The following HDAC9 variants were observed in gnomAD, a reference collection of about 807,000 sequenced individuals.
HDAC9 encodes the protein MEF-2 interacting transcription repressor (MITR) protein.
In HDAC9, 41 loss-of-function variants were observed where a neutral mutation model predicts 139.4. The ratio of observed to expected loss-of-function variants is 0.29; its 90% CI spans 0.23 to 0.38. The LOEUF (loss-of-function observed/expected upper bound fraction) is 0.38, where lower values mean the gene tolerates loss of function less well. Among genes scored for constraint, HDAC9 ranks in the 10% least tolerant of loss-of-function variants. HDAC9 has a pLI of 1.00. For missense variants in HDAC9, 1,147 were observed against 1,297.0 expected (o/e 0.88, Z 1.78); for synonymous variants, 517 against 476.2 (o/e 1.09, Z -1.12).
intron 12 of HDAC9, among the ~76,000 whole-genome samples, chr7:18,687,835 A>G (rs757203555): frequency 3.3e-5 from 5 of 151,808 alleles, no homozygotes; most frequent in Middle Eastern, 3.4e-3. Context: ...ATTTTTCTTC[A>G]TTGTATATTG....
chr7:18,374,803 T>A (rs1784865286), intron 1 of HDAC9, among the ~76,000 whole-genome samples: 1 of 152,086 alleles, frequency 6.6e-6, no homozygotes, highest in African/African-American at 2.4e-5. Context: ...TAACAATGTT[T>A]GGGTCAATGA....
At chr7:18,805,847 C>T (rs1379668371) in intron 17 of HDAC9, among the ~76,000 whole-genome samples, 2 of 152,176 alleles carry the variant, frequency 1.3e-5, no homozygotes, top group Non-Finnish European at 2.9e-5. Context: ...TCTTCCCAGT[C>T]TCCAGAGCTG....
chr7:18,774,406 G>A (rs1322563836), intron 16 of HDAC9, among the ~76,000 whole-genome samples: 5 of 151,866 alleles, frequency 3.3e-5, no homozygotes, highest in Admixed American at 3.3e-4. Context: ...ACATACCTTG[G>A]AAATATTGCA....
At chr7:18,407,996 A>G (rs1788172177) in intron 1 of HDAC9, among the ~76,000 whole-genome samples, 1 of 152,178 alleles carries the variant, frequency 6.6e-6, no homozygotes, top group Non-Finnish European at 1.5e-5. Context: ...GTGTCGATGG[A>G]CAAATTAACC....
chr7:18,604,808 G>A (rs1197069708), intron 6 of HDAC9, among the ~76,000 whole-genome samples: 1 of 152,016 alleles, frequency 6.6e-6, no homozygotes, highest in African/African-American at 2.4e-5. Flanking sequence ...GTTGTTGCAT[G>A]TTGCCAACTT....
intron 1 of HDAC9, among the ~76,000 whole-genome samples, chr7:18,089,569 AT>A (rs1554295867): frequency 6.6e-6 from 1 of 152,146 alleles, no homozygotes; most frequent in Non-Finnish European, 1.5e-5. Context: ...ATATAAACCT[AT>A]TTAATTAACT....
intron 6 of HDAC9, among the ~76,000 whole-genome samples, chr7:18,603,885 T>G (rs1834665878): frequency 6.6e-6 from 1 of 152,148 alleles, no homozygotes; most frequent in Non-Finnish European, 1.5e-5. Context: ...TTCTCCTTCT[T>G]GTTTGGGATA....
chr7:18,189,397 C>T (rs1427244650), intron 2 of HDAC9, among the ~76,000 whole-genome samples: 1 of 152,072 alleles, frequency 6.6e-6, no homozygotes, highest in South Asian at 2.1e-4. Flanking sequence ...GTGCAGCAAA[C>T]CACCATGGCA....
At chr7:18,736,476 G>A (rs1239514185) in intron 13 of HDAC9, among the ~76,000 whole-genome samples, 1 of 152,150 alleles carries the variant, frequency 6.6e-6, no homozygotes, top group African/African-American at 2.4e-5. Context: ...GGCCTTTTCT[G>A]CATCTATTGA....
intron 6 of HDAC9, among the ~76,000 whole-genome samples, chr7:18,618,726 G>GTGTATATATATATATA (rs71553930): frequency 8.3e-6 from 1 of 120,038 alleles, no homozygotes; most frequent in Admixed American, 8.8e-5. Flanking sequence ...ACAGAATTTT[G>GTGTATATATATATATA]TATATATATA....
At chr7:18,892,240 T>C (rs1406916206) in intron 22 of HDAC9, 1 of 152,200 alleles carries the variant, frequency 6.6e-6, no homozygotes, top group East Asian at 1.9e-4. Flanking sequence ...CATACAATGG[T>C]TTAAAATTCT....
upstream of HDAC9, among the ~76,000 whole-genome samples, chr7:18,490,818 G>A (rs1446381253): frequency 6.6e-6 from 1 of 151,444 alleles, no homozygotes; most frequent in Non-Finnish European, 1.5e-5. Flanking sequence ...GAGGTTGGGA[G>A]AAGAGGTAAC....
At chr7:18,653,880 T>A (rs577507800) in intron 11 of HDAC9, among the ~76,000 whole-genome samples, 168 of 152,246 alleles carry the variant, frequency 1.1e-3, no homozygotes, top group African/African-American at 3.9e-3. Flanking sequence ...TTCTCTGAAA[T>A]CCTCTTGATT....
At chr7:18,989,160 G>T (rs1156790480) in intron 25 of HDAC9, among the ~76,000 whole-genome samples, 2 of 148,210 alleles carry the variant, frequency 1.3e-5, no homozygotes, top group Non-Finnish European at 3.0e-5. Flanking sequence ...TCCTAGTCTC[G>T]ATGGTCTTTA....
At chr7:18,224,610 A>T (rs1434321744) in intron 2 of HDAC9, among the ~76,000 whole-genome samples, 2 of 152,194 alleles carry the variant, frequency 1.3e-5, no homozygotes, top group Non-Finnish European at 2.9e-5. Flanking sequence ...TGGGAGGCAC[A>T]GAAACATCAC....
At chr7:18,400,426 A>T (rs1311777019) in intron 1 of HDAC9, among the ~76,000 whole-genome samples, 2 of 152,162 alleles carry the variant, frequency 1.3e-5, no homozygotes, top group Non-Finnish European at 2.9e-5. Context: ...AGAGATCAAG[A>T]TGGGTGTGGT....
chr7:18,681,434 AT>A lies in HDAC9; in HGVS notation c.1731+14961del, dbSNP rs1357870491. 2.0e-5 allele frequency among the ~76,000 whole-genome samples: 3 copies of A among 151,868 alleles called. No individual in the cohort carries two copies. The East Asian group carries it at 5.8e-4, about 29-fold the overall frequency. On this transcript the variant is annotated intron_variant, in intron 12 of 25. Coordinates refer to ENST00000686413, the MANE Select transcript of HDAC9 (RefSeq NM_178425.4). ...GTTTTTAAAAATTATCTTTAACAAT[AT>A]TTGTTATTATTATATTTCTTTAGTT...
chr7:18,496,145 G>T, intron 1 of HDAC9, 117 bp from the exon 2 acceptor site: 1 of 1,402,150 alleles, frequency 7.1e-7, no homozygotes. Context: ...GAGAACCAGC[G>T]AGGGTAGCTC....
intron 1 of HDAC9, among the ~76,000 whole-genome samples, chr7:18,150,607 C>G (rs756463944): frequency 1.1e-4 from 16 of 152,166 alleles, no homozygotes; most frequent in Non-Finnish European, 2.1e-4. Flanking sequence ...AAACATACCT[C>G]TACTGTGAGC....
Sources: allele counts gnomAD v4.1 joint callset (sites outside exome capture counted in the v4.1 genomes callset), GRCh38; gene constraint gnomAD v4.1.1; transcripts MANE v1.5; gene names NCBI Gene and HGNC (gene_info 2026-07-23, HGNC 2026-07-21).